The following FAT3 variants were observed in gnomAD, a reference collection of about 807,000 sequenced individuals.
The protein encoded by FAT3 is FAT atypical cadherin 3.
Under a neutral mutation model 310.2 loss-of-function variants are expected in FAT3, and 95 were observed. The ratio of observed to expected loss-of-function variants is 0.31; its 90% confidence interval spans 0.26 to 0.36. FAT3 has a LOEUF of 0.36. Ranked by LOEUF, FAT3 falls within the 10% of genes least tolerant of loss-of-function variation. The probability of loss-of-function intolerance (pLI) is 1.00; values close to 1 mark genes in which losing one functional copy is unlikely to be tolerated. For missense variants in FAT3, 5,408 were observed against 5,715.6 expected (o/e 0.95, Z 1.74); for synonymous variants, 2,314 against 2,192.9 (o/e 1.06, Z -1.54).
intron 3 of FAT3, among the ~76,000 whole-genome samples, chr11:92,660,798 T>C (rs1383044382): frequency 6.6e-6 from 1 of 152,176 alleles, no homozygotes; most frequent in African/African-American, 2.4e-5. Flanking sequence ...ACTGACTTCA[T>C]GGGCTGAAGG....
At chr11:92,790,464 A>G (rs1022076689) in intron 8 of FAT3, among the ~76,000 whole-genome samples, 3 of 152,226 alleles carry the variant, frequency 2.0e-5, no homozygotes, top group Admixed American at 6.5e-5. Flanking sequence ...TGCTCAGTAA[A>G]TGCTCCAAAC....
chr11:92,842,731 T>C (rs1487470256), intron 18 of FAT3, among the ~76,000 whole-genome samples: 1 of 151,864 alleles, frequency 6.6e-6, no homozygotes, highest in Non-Finnish European at 1.5e-5. Context: ...AAAAAAAAAG[T>C]AGCCTGGTGT....
At chr11:92,838,795 C>T (rs1359881744) in intron 17 of FAT3, among the ~76,000 whole-genome samples, 3 of 152,162 alleles carry the variant, frequency 2.0e-5, no homozygotes, top group Admixed American at 6.5e-5. Flanking sequence ...CCTCCTCAGA[C>T]CCCAGGGCCA....
intron 3 of FAT3, among the ~76,000 whole-genome samples, chr11:92,589,071 G>T (rs1939295578): frequency 6.6e-6 from 1 of 151,998 alleles, no homozygotes; most frequent in Admixed American, 6.6e-5. Context: ...TTTATGGTGA[G>T]CCCCACTATC....
intron 3 of FAT3, among the ~76,000 whole-genome samples, chr11:92,624,244 C>G (rs1052194348): frequency 1.3e-5 from 2 of 151,996 alleles, no homozygotes; most frequent in Non-Finnish European, 2.9e-5. Flanking sequence ...AGTATTTTGC[C>G]GGATGAAGAG....
intron 1 of FAT3, among the ~76,000 whole-genome samples, chr11:92,280,805 C>T (rs1407232459): frequency 6.6e-6 from 1 of 152,162 alleles, no homozygotes; most frequent in East Asian, 1.9e-4. Flanking sequence ...ACTTGAATTT[C>T]CTGAAACTTA....
At chr11:92,561,156 A>G (rs1955210760) in intron 3 of FAT3, among the ~76,000 whole-genome samples, 1 of 152,074 alleles carries the variant, frequency 6.6e-6, no homozygotes, top group South Asian at 2.1e-4. Context: ...AATTTCAGAC[A>G]TTTTTGTCAC....
chr11:92,654,359 C>A (rs1157484386), intron 3 of FAT3, among the ~76,000 whole-genome samples: 2 of 152,170 alleles, frequency 1.3e-5, no homozygotes, highest in African/African-American at 2.4e-5. Context: ...CTTCTGAACA[C>A]ACACATTCAG....
At chr11:92,621,435 C>G (rs2076586906) in intron 3 of FAT3, among the ~76,000 whole-genome samples, 1 of 152,170 alleles carries the variant, frequency 6.6e-6, no homozygotes, top group South Asian at 2.1e-4. Context: ...ATTTCATCCC[C>G]AGCTCCTCCT....
intron 3 of FAT3, among the ~76,000 whole-genome samples, chr11:92,667,496 C>T (rs1010426811): frequency 1.3e-5 from 2 of 152,176 alleles, no homozygotes; most frequent in Non-Finnish European, 2.9e-5. Flanking sequence ...GGCCAATTTC[C>T]TTTAGGATAA....
At chr11:92,719,720 C>CTGTGTGTGTGTGTGTGTG (rs751825746) in intron 4 of FAT3, among the ~76,000 whole-genome samples, 1 of 136,858 alleles carries the variant, frequency 7.3e-6, no homozygotes, top group Non-Finnish European at 1.6e-5. Flanking sequence ...AGAACCAACT[C>CTGTGTGTGTGTGTGTGTG]TGTGTGTGTG....
chr11:92,337,741 C>T (rs938565539), intron 1 of FAT3, among the ~76,000 whole-genome samples: 2 of 152,146 alleles, frequency 1.3e-5, no homozygotes, highest in Non-Finnish European at 2.9e-5. Context: ...GAAAGTAGTT[C>T]TTGAAAACAA....
chr11:92,551,289 G>A (rs1954807103), intron 3 of FAT3, among the ~76,000 whole-genome samples: 1 of 151,950 alleles, frequency 6.6e-6, no homozygotes, highest in Non-Finnish European at 1.5e-5. Flanking sequence ...CTCTACTCTG[G>A]GAAAACTATT....
At chr11:92,435,887 A>G (rs1240248795) in intron 2 of FAT3, among the ~76,000 whole-genome samples, 1 of 151,742 alleles carries the variant, frequency 6.6e-6, no homozygotes, top group African/African-American at 2.4e-5. Flanking sequence ...TTCATTACCT[A>G]TTCTGTGTCT....
intron 4 of FAT3, among the ~76,000 whole-genome samples, chr11:92,710,418 G>T (rs971438954): frequency 4.6e-5 from 7 of 152,130 alleles, no homozygotes; most frequent in African/African-American, 1.7e-4. Context: ...TCCCATCTTT[G>T]CCCTCCAAGG....
intron 2 of FAT3, among the ~76,000 whole-genome samples, chr11:92,401,701 G>C (rs188899683): frequency 6.6e-6 from 1 of 152,128 alleles, no homozygotes; most frequent in African/African-American, 2.4e-5. Flanking sequence ...ATAATAATAG[G>C]GGAGCCCAGC....
rs1231930819 is a variant in FAT3, at chr11:92,867,908, A to AT, written c.12127+701dup. Among the ~76,000 whole-genome samples, 15 of 44,708 alleles carry AT rather than the reference A, an allele frequency of 3.4e-4. 1 individual carries two copies. The South Asian group carries it at 0.014, about 40-fold the overall frequency. 29.3% of individuals were successfully genotyped at this position (44,708 alleles called of 152,430 possible). On this transcript the variant is annotated intron_variant, in intron 22 of 27. Transcript: ENST00000525166. ...TACATCATGAAAGAGGAGAGTAGGC[A>AT]TTAAAAAAAAGCAAAAGATTTATAG...
intron 1 of FAT3, among the ~76,000 whole-genome samples, chr11:92,235,089 T>G (rs998226425): frequency 2.7e-5 from 4 of 150,276 alleles, no homozygotes; most frequent in East Asian, 2.0e-4. Flanking sequence ...AAAAAAAAAA[T>G]TCTGGACAGA....
intron 3 of FAT3, among the ~76,000 whole-genome samples, chr11:92,543,248 T>C (rs1954509259): frequency 6.6e-6 from 1 of 152,112 alleles, no homozygotes; most frequent in African/African-American, 2.4e-5. Context: ...AAGCAATAAG[T>C]TCTAGTGTTT....
Sources: allele counts gnomAD v4.1 joint callset (sites outside exome capture counted in the v4.1 genomes callset), GRCh38; gene constraint gnomAD v4.1.1; transcripts MANE v1.5; gene names NCBI Gene and HGNC (gene_info 2026-07-23, HGNC 2026-07-21).